The following ABTB3 variants were observed in gnomAD, a reference collection of about 807,000 sequenced individuals.
ABTB3 encodes the protein ankyrin repeat and BTB domain containing 3, also known as ankyrin repeat- and BTB/POZ domain-containing protein 3.
chr12:107,332,097 C>T, the ABTB3 span, among the ~76,000 whole-genome samples: 1 of 152,306 alleles, frequency 6.6e-6, no homozygotes, highest in Admixed American at 6.5e-5. Flanking sequence ...TTCCCTGAGC[C>T]CCACAGTGCA....
chr12:107,385,520 C>G, the ABTB3 span, among the ~76,000 whole-genome samples: 2 of 152,196 alleles, frequency 1.3e-5, no homozygotes, highest in Non-Finnish European at 2.9e-5. Flanking sequence ...TAACTGGGAT[C>G]GTCAGGGTTG....
chr12:107,501,286 G>A, the ABTB3 span, among the ~76,000 whole-genome samples: 2 of 152,088 alleles, frequency 1.3e-5, no homozygotes, highest in South Asian at 2.1e-4. Context: ...AAGACAACCT[G>A]CTGTGGGAGA....
chr12:107,454,469 A>G, the ABTB3 span, among the ~76,000 whole-genome samples: 1 of 152,240 alleles, frequency 6.6e-6, no homozygotes, highest in South Asian at 2.1e-4. Flanking sequence ...TCTGAGATAG[A>G]GGCTGATGCA....
At chr12:107,525,050 G>A in the ABTB3 span, among the ~76,000 whole-genome samples, 3 of 152,076 alleles carry the variant, frequency 2.0e-5, no homozygotes, top group Non-Finnish European at 4.4e-5. Flanking sequence ...TACTGGCCAG[G>A]TGCAGTGACT....
chr12:107,578,380 C>CTTTTTT, the ABTB3 span, among the ~76,000 whole-genome samples: 4 of 46,590 alleles, frequency 8.6e-5, no homozygotes, highest in African/African-American at 3.2e-4. Flanking sequence ...TTTCTTTCTT[C>CTTTTTT]TTCTTTTTTT....
the ABTB3 span, chr12:107,580,668 G>A: frequency 1.8e-6 from 1 of 551,872 alleles, no homozygotes. Flanking sequence ...CCAGAAAGAC[G>A]ACAGGGACGA....
the ABTB3 span, among the ~76,000 whole-genome samples, chr12:107,358,943 G>C: frequency 4.6e-3 from 700 of 152,314 alleles, 2 homozygotes; most frequent in African/African-American, 0.011. Context: ...ACTAAAATGT[G>C]GGAGCCATCT....
At chr12:107,644,837 G>A in the ABTB3 span, among the ~76,000 whole-genome samples, 5 of 152,096 alleles carry the variant, frequency 3.3e-5, no homozygotes, top group Admixed American at 6.5e-5. Flanking sequence ...TGCAGTACAT[G>A]GATGAAGCTG....
the ABTB3 span, among the ~76,000 whole-genome samples, chr12:107,527,582 GTT>G: frequency 2.1e-5 from 3 of 146,060 alleles, no homozygotes; most frequent in Non-Finnish European, 3.0e-5. Flanking sequence ...AAGAGTTTTT[GTT>G]TTTTTTTTTT....
the ABTB3 span, among the ~76,000 whole-genome samples, chr12:107,604,395 T>A: frequency 6.6e-6 from 1 of 151,538 alleles, no homozygotes; most frequent in African/African-American, 2.4e-5. Context: ...TGCAGTGAGC[T>A]GAGATCGCAC....
At chr12:107,541,865 C>A in the ABTB3 span, among the ~76,000 whole-genome samples, 1 of 151,404 alleles carries the variant, frequency 6.6e-6, no homozygotes, top group South Asian at 2.1e-4. Flanking sequence ...CTGCGACATG[C>A]AATTTACTCA....
chr12:107,599,403 G>C, the ABTB3 span, among the ~76,000 whole-genome samples: 1 of 152,206 alleles, frequency 6.6e-6, no homozygotes. Flanking sequence ...AAAGACATGT[G>C]CTGTGTCCGC....
the ABTB3 span, among the ~76,000 whole-genome samples, chr12:107,321,552 C>A: frequency 6.6e-6 from 1 of 151,996 alleles, no homozygotes. Context: ...GAGCCCTTCC[C>A]CGTCTGCTGC....
At chr12:107,400,012 C>A in the ABTB3 span, among the ~76,000 whole-genome samples, 1 of 152,172 alleles carries the variant, frequency 6.6e-6, no homozygotes, top group Non-Finnish European at 1.5e-5. Context: ...GCAAAGGATA[C>A]AAACTCATTC....
At chr12:107,406,929 C>G in the ABTB3 span, among the ~76,000 whole-genome samples, 1 of 152,170 alleles carries the variant, frequency 6.6e-6, no homozygotes, top group Non-Finnish European at 1.5e-5. Flanking sequence ...TGAGCTTGGG[C>G]TCCGGAGCCA....
chr12:107,592,765 A>C, the ABTB3 span, among the ~76,000 whole-genome samples: 30 of 152,336 alleles, frequency 2.0e-4, no homozygotes, highest in African/African-American at 6.3e-4. Flanking sequence ...TTCAGGAGAG[A>C]GGGTACTCAG....
At chr12:107,598,646 T>C in the ABTB3 span, among the ~76,000 whole-genome samples, 1 of 152,182 alleles carries the variant, frequency 6.6e-6, no homozygotes, top group African/African-American at 2.4e-5. Context: ...GCTAATATGT[T>C]GGGATAGAGT....
chr12:107,415,645 T>C, the ABTB3 span, among the ~76,000 whole-genome samples: 1 of 151,580 alleles, frequency 6.6e-6, no homozygotes, highest in East Asian at 1.9e-4. Flanking sequence ...GAGGCAGAGT[T>C]TGCAGTCATC....
At chr12:107,417,511 C>T in the ABTB3 span, among the ~76,000 whole-genome samples, 1 of 152,220 alleles carries the variant, frequency 6.6e-6, no homozygotes, top group South Asian at 2.1e-4. Context: ...ACTACATCTC[C>T]CAAGTCCCTT....
Sources: gnomAD v4.1 joint callset for allele counts (sites outside exome capture counted in the v4.1 genomes callset) on GRCh38, gnomAD v4.1.1 for gene constraint, MANE v1.5 for transcripts, NCBI Gene and HGNC (gene_info 2026-07-23, HGNC 2026-07-21) for gene names.